Variants in SNTG1 observed in about 807,000 individuals in gnomAD.
SNTG1 encodes gamma-1-syntrophin.
In SNTG1, 39 loss-of-function variants were observed where a neutral mutation model predicts 74.7. The observed-to-expected ratio is 0.52, with a 90% CI of 0.40 to 0.68. The LOEUF (loss-of-function observed/expected upper bound fraction) is 0.68, where lower values mean the gene tolerates loss of function less well. SNTG1 is among the 30% of genes least tolerant of loss of function. The pLI is 0.00. For synonymous variants in SNTG1, 254 were observed against 217.1 expected (o/e 1.17, Z -1.49); for missense variants, 685 against 609.5 (o/e 1.12, Z -1.30).
intron 1 of SNTG1, among the ~76,000 whole-genome samples, chr8:50,000,830 A>G (rs1814676440): frequency 6.6e-6 from 1 of 152,206 alleles, no homozygotes; most frequent in African/African-American, 2.4e-5. Flanking sequence ...CCTTCCTGTC[A>G]GTAGCAGACA....
At chr8:50,772,031 G>C (rs1259323953) in intron 18 of SNTG1, among the ~76,000 whole-genome samples, 1 of 152,126 alleles carries the variant, frequency 6.6e-6, no homozygotes, top group Admixed American at 6.5e-5. Context: ...AGCCACCACA[G>C]AGAACCTCTC....
At chr8:49,964,986 A>G (rs1012107624) in intron 1 of SNTG1, among the ~76,000 whole-genome samples, 3 of 152,232 alleles carry the variant, frequency 2.0e-5, no homozygotes, top group African/African-American at 7.2e-5. Flanking sequence ...TATTAAGGCA[A>G]GTTAAAATTA....
intron 3 of SNTG1, among the ~76,000 whole-genome samples, chr8:50,397,346 G>T (rs2092740548): frequency 6.6e-6 from 1 of 152,196 alleles, no homozygotes; most frequent in Non-Finnish European, 1.5e-5. Flanking sequence ...TTATGTAGGT[G>T]ATTTTCGATA....
chr8:50,554,399 T>C (rs1024087713), intron 12 of SNTG1, among the ~76,000 whole-genome samples: 1 of 152,104 alleles, frequency 6.6e-6, no homozygotes, highest in Non-Finnish European at 1.5e-5. Flanking sequence ...TCTTCAAAAC[T>C]CTGTGTCACG....
chr8:50,162,559 C>CAAAAAAAA (rs34746562), intron 1 of SNTG1, among the ~76,000 whole-genome samples: 1 of 83,958 alleles, frequency 1.2e-5, no homozygotes, highest in Non-Finnish European at 2.3e-5. Flanking sequence ...GACTCTGTCT[C>CAAAAAAAA]AAAAAAAAAA....
chr8:49,976,881 A>C (rs562953002), intron 1 of SNTG1, among the ~76,000 whole-genome samples: 52 of 152,334 alleles, frequency 3.4e-4, no homozygotes, highest in South Asian at 3.3e-3. Flanking sequence ...TGAAGAGATC[A>C]TTCTGGCTAC....
At chr8:50,025,153 G>T (rs1160419546) in intron 1 of SNTG1, among the ~76,000 whole-genome samples, 1 of 151,918 alleles carries the variant, frequency 6.6e-6, no homozygotes, top group African/African-American at 2.4e-5. Flanking sequence ...ACAAAACCAA[G>T]AAAATACTTC....
intron 9 of SNTG1, among the ~76,000 whole-genome samples, chr8:50,524,292 T>C (rs1260459016): frequency 6.6e-6 from 1 of 152,120 alleles, no homozygotes; most frequent in Non-Finnish European, 1.5e-5. Flanking sequence ...AGTGTCTCTG[T>C]TGGGGAATGA....
At chr8:50,250,670 C>G (rs7821189) in intron 2 of SNTG1, among the ~76,000 whole-genome samples, 49,590 of 151,842 alleles carry the variant, frequency 0.33, 8,612 homozygotes, top group African/African-American at 0.45. Flanking sequence ...ACTACAAACA[C>G]TGAAAGATAA....
chr8:50,689,317 C>G (rs183158257), intron 15 of SNTG1, among the ~76,000 whole-genome samples: 1 of 152,268 alleles, frequency 6.6e-6, no homozygotes, highest in East Asian at 1.9e-4. Flanking sequence ...GAGTGCATCC[C>G]TCTCTTGTCC....
At chr8:50,679,794 G>T (rs200005350) in intron 15 of SNTG1, among the ~76,000 whole-genome samples, 3 of 152,286 alleles carry the variant, frequency 2.0e-5, no homozygotes, top group East Asian at 3.9e-4. Flanking sequence ...CTCTGGTGGT[G>T]AGATGACATT....
rs2083024316 is a variant in SNTG1 at position 50,177,042 on chromosome 8, T to C, written c.-28+4407T>C. On this transcript the variant is annotated intron_variant, in intron 2 of 18. Transcript: ENST00000642720. ...CAGGACTAAAAGTGTGGGCCTGTATTTGTGTTTGTCTGTGAAGTAGAGTCA... is the reference window on the plus strand; with the variant it reads ...CAGGACTAAAAGTGTGGGCCTGTATCTGTGTTTGTCTGTGAAGTAGAGTCA... Among the ~76,000 whole-genome samples, 5 of 152,146 alleles carry C rather than the reference T, an allele frequency of 3.3e-5. No individual in the cohort carries two copies. In the South Asian group the frequency reaches 8.3e-4, roughly 25 times the overall value.
chr8:50,720,214 A>C (rs1466999793), intron 17 of SNTG1, among the ~76,000 whole-genome samples: 1 of 152,194 alleles, frequency 6.6e-6, no homozygotes, highest in East Asian at 1.9e-4. Context: ...TCAACTATCT[A>C]AATAAATCCA....
chr8:50,765,438 G>T (rs1488483963), intron 18 of SNTG1, among the ~76,000 whole-genome samples: 1 of 151,930 alleles, frequency 6.6e-6, no homozygotes, highest in Non-Finnish European at 1.5e-5. Context: ...CAAACCCAGA[G>T]AACTTGTCAC....
intron 8 of SNTG1, among the ~76,000 whole-genome samples, chr8:50,465,005 C>T (rs1185554358): frequency 1.3e-5 from 2 of 149,282 alleles, no homozygotes; most frequent in Non-Finnish European, 3.0e-5. Flanking sequence ...TTGTTACAAA[C>T]CTTCAATATA....
At chr8:49,913,680 T>C (rs544518513) in intron 1 of SNTG1, among the ~76,000 whole-genome samples, 1 of 152,332 alleles carries the variant, frequency 6.6e-6, no homozygotes, top group East Asian at 1.9e-4. Context: ...ACCTACAATG[T>C]GCTCTTAACA....
chr8:50,484,145 T>TTCC (rs2093766729), intron 8 of SNTG1, among the ~76,000 whole-genome samples: 30 of 61,178 alleles, frequency 4.9e-4, no homozygotes, highest in South Asian at 1.3e-3. Context: ...TCCTTCTTTC[T>TTCC]TTCTTTCCTT....
chr8:50,155,932 A>C (rs1226017875), intron 1 of SNTG1, among the ~76,000 whole-genome samples: 3 of 152,008 alleles, frequency 2.0e-5, no homozygotes, highest in Non-Finnish European at 4.4e-5. Flanking sequence ...ACAATTTGTC[A>C]GAGCAACACC....
chr8:50,590,679 A>T (rs1162943887), intron 12 of SNTG1, among the ~76,000 whole-genome samples, 200 bp from the exon 13 acceptor site: 1 of 152,132 alleles, frequency 6.6e-6, no homozygotes, highest in Non-Finnish European at 1.5e-5. Context: ...TTTACATAAG[A>T]AGTGTGGGAT....
Sources: allele counts gnomAD v4.1 joint callset (sites outside exome capture counted in the v4.1 genomes callset), GRCh38; gene constraint gnomAD v4.1.1; transcripts MANE v1.5; gene names NCBI Gene and HGNC (gene_info 2026-07-23, HGNC 2026-07-21).